SH3BGRL2: variants seen among roughly 807,000 people sequenced by gnomAD.
SH3BGRL2 encodes SH3 domain binding glutamate rich protein like 2.
SH3BGRL2 carries 21 observed loss-of-function variants against 14.8 expected under a neutral mutation model. That is an observed-to-expected ratio of 1.42 (90% CI 1.01 to 2.05). The LOEUF (loss-of-function observed/expected upper bound fraction) is 2.05. Among genes scored for constraint, SH3BGRL2 ranks in the 30% most tolerant of loss-of-function variants. The pLI, the probability that SH3BGRL2 is intolerant of heterozygous loss-of-function variation, is 0.00. For missense variants in SH3BGRL2, 147 were observed against 130.8 expected (o/e 1.12, Z -0.61); for synonymous variants, 50 against 47.8 (o/e 1.05, Z -0.19).
chr6:79,558,588 G>A, the SH3BGRL2 span, among the ~76,000 whole-genome samples: 87 of 151,980 alleles, frequency 5.7e-4, no homozygotes, highest in African/African-American at 1.0e-3. Flanking sequence ...AGATTGGCCC[G>A]GTGCGGTGGC....
At chr6:79,661,906 G>T (rs563114461) in intron 1 of SH3BGRL2, among the ~76,000 whole-genome samples, 2 of 152,088 alleles carry the variant, frequency 1.3e-5, no homozygotes, top group African/African-American at 4.8e-5. Context: ...TGTCTCTTTT[G>T]ATCTTTGTTG....
At chr6:79,593,990 A>C in the SH3BGRL2 span, among the ~76,000 whole-genome samples, 1 of 149,300 alleles carries the variant, frequency 6.7e-6, no homozygotes, top group Admixed American at 6.8e-5. Context: ...GTGCCACTGC[A>C]CTCCAGCCTG....
chr6:79,577,849 C>T, the SH3BGRL2 span, among the ~76,000 whole-genome samples: 38,615 of 152,138 alleles, frequency 0.25, 5,199 homozygotes, highest in African/African-American at 0.31. Flanking sequence ...CAAGGGGTTG[C>T]GGGATTTCCC....
At chr6:79,612,381 CAA>C in the SH3BGRL2 span, among the ~76,000 whole-genome samples, 1 of 152,132 alleles carries the variant, frequency 6.6e-6, no homozygotes, top group Non-Finnish European at 1.5e-5. Flanking sequence ...TCTATTCTCC[CAA>C]TTATACCCTA....
Position 79,702,308 on chromosome 6 carries a change from TTG to T in SH3BGRL2, c.*2803_*2804del, listed in dbSNP as rs1413379079. 2 of 152,596 alleles carry T rather than the reference TTG, an allele frequency of 1.3e-5. No homozygotes were observed. The highest frequency in any genetic ancestry group is 4.8e-5 in the African/African-American group (2 of 41,434). 9.5% of individuals were successfully genotyped at this position (152,596 alleles called of 1,614,324 possible). On this transcript the variant is annotated 3_prime_UTR_variant, in exon 4 of 4. Transcript: ENST00000369838. ...TGAAAAGTACCAAAGCTTCTTTCTG[TTG>T]TGTTTGATTTTACTATAGGGGTTTT...
chr6:79,619,820 A>T, the SH3BGRL2 span, among the ~76,000 whole-genome samples: 4 of 152,238 alleles, frequency 2.6e-5, no homozygotes, highest in Admixed American at 1.3e-4. Flanking sequence ...TATAGCAGAC[A>T]TAAGTGGGAA....
Position 79,700,256 on chromosome 6 carries a change from A to G in SH3BGRL2, c.*747A>G, listed in dbSNP as rs1209541922. 6.6e-6 allele frequency: 1 copy of G among 152,176 alleles called. No homozygotes were observed. The highest frequency in any genetic ancestry group is 1.5e-5 in the Non-Finnish European group (1 of 68,028). The allele number at this position is 152,176 out of a possible 1,614,324, so 9.4% of individuals were successfully genotyped here. A position where few individuals can be genotyped will look rare whatever the true frequency, so the allele number is the denominator to read the frequency against. On this transcript the variant is annotated 3_prime_UTR_variant, in exon 4 of 4. Coordinates refer to ENST00000369838, the MANE Select transcript of SH3BGRL2 (RefSeq NM_031469.4). ...AAATGCCTGAGACTGCTTGAAAGATATATTTTAAGTGGTGCACTAATTAGT... is the reference window on the plus strand; with the variant it reads ...AAATGCCTGAGACTGCTTGAAAGATGTATTTTAAGTGGTGCACTAATTAGT...
chr6:79,637,186 C>G (rs148578139), intron 1 of SH3BGRL2, among the ~76,000 whole-genome samples: 1 of 152,116 alleles, frequency 6.6e-6, no homozygotes, highest in South Asian at 2.1e-4. Context: ...GAAGATCTAA[C>G]CTCAGTTTTT....
chr6:79,687,844 G>A (rs1770132477), intron 2 of SH3BGRL2, among the ~76,000 whole-genome samples: 4 of 152,108 alleles, frequency 2.6e-5, no homozygotes. Flanking sequence ...GTTCCCTCCA[G>A]TTTTCTATTT....
chr6:79,662,248 C>G (rs1295493648), intron 1 of SH3BGRL2, among the ~76,000 whole-genome samples: 1 of 152,170 alleles, frequency 6.6e-6, no homozygotes, highest in East Asian at 1.9e-4. Flanking sequence ...CATCGATGGT[C>G]TTTACAATTT....
At chr6:79,664,191 G>A (rs558069144) in intron 1 of SH3BGRL2, among the ~76,000 whole-genome samples, 6 of 152,280 alleles carry the variant, frequency 3.9e-5, no homozygotes, top group South Asian at 2.1e-4. Context: ...CAACCAGTCC[G>A]AATGAGATGA....
At chr6:79,668,309 A>G (rs1249460297) in intron 1 of SH3BGRL2, among the ~76,000 whole-genome samples, 5 of 152,286 alleles carry the variant, frequency 3.3e-5, no homozygotes, top group South Asian at 2.1e-4. Flanking sequence ...CCTGTCTTCC[A>G]ATCAAATCCC....
the SH3BGRL2 span, among the ~76,000 whole-genome samples, chr6:79,550,392 C>T: frequency 2.0e-5 from 3 of 152,128 alleles, no homozygotes; most frequent in African/African-American, 7.2e-5. Flanking sequence ...GTTTACTAAG[C>T]CACTCCTGGA....
the SH3BGRL2 span, among the ~76,000 whole-genome samples, chr6:79,609,555 C>T: frequency 6.6e-5 from 10 of 152,290 alleles, no homozygotes; most frequent in East Asian, 1.5e-3. Context: ...CCCAGCCCTA[C>T]AGCATGGGTA....
rs77143088 is a variant in SH3BGRL2, at chr6:79,673,121, A to G, written c.46-493A>G. Among the ~76,000 whole-genome samples, 35 of 142,520 alleles carry G rather than the reference A, an allele frequency of 2.5e-4. 1 individual carries two copies. The East Asian group carries it at 8.1e-3, about 33-fold the overall frequency. The allele number at this position is 142,520 out of a possible 152,430, so 93.5% of individuals were successfully genotyped here. On this transcript the variant is annotated intron_variant, in intron 1 of 3. Transcript: ENST00000369838. ...TTGGGCAAAGGGAGCTTTTATGACCATAGATGTCAACTTCTTGCAAGGGTG... is the reference window on the plus strand; with the variant it reads ...TTGGGCAAAGGGAGCTTTTATGACCGTAGATGTCAACTTCTTGCAAGGGTG...
At chr6:79,601,411 G>T in the SH3BGRL2 span, among the ~76,000 whole-genome samples, 2 of 152,144 alleles carry the variant, frequency 1.3e-5, no homozygotes, top group African/African-American at 4.8e-5. Context: ...GCCCTGGCTG[G>T]TCTCCCACTC....
intron 2 of SH3BGRL2, among the ~76,000 whole-genome samples, chr6:79,681,937 G>A (rs985099017): frequency 1.3e-5 from 2 of 150,704 alleles, no homozygotes; most frequent in African/African-American, 4.9e-5. Flanking sequence ...GGGGGACAGA[G>A]TGAGACTCCG....
chr6:79,565,611 T>A, the SH3BGRL2 span, among the ~76,000 whole-genome samples: 2 of 152,178 alleles, frequency 1.3e-5, no homozygotes, highest in African/African-American at 4.8e-5. Context: ...ATTCCTTGTG[T>A]GGGATTTTTC....
the SH3BGRL2 span, among the ~76,000 whole-genome samples, chr6:79,619,767 A>T: frequency 1.2e-4 from 18 of 152,182 alleles, no homozygotes; most frequent in Non-Finnish European, 4.4e-5. Context: ...TGTGGCTTTA[A>T]TACACCTTGG....
Sources: gnomAD v4.1 joint callset for allele counts (sites outside exome capture counted in the v4.1 genomes callset) on GRCh38, gnomAD v4.1.1 for gene constraint, MANE v1.5 for transcripts, NCBI Gene and HGNC (gene_info 2026-07-23, HGNC 2026-07-21) for gene names.